The following SGCD variants were observed in gnomAD, a reference collection of about 807,000 sequenced individuals.
The protein encoded by SGCD is delta-sarcoglycan.
In SGCD, 18 loss-of-function variants were observed where a neutral mutation model predicts 36.6. That is an observed-to-expected ratio of 0.49 (90% confidence interval 0.34 to 0.73). SGCD has a LOEUF of 0.73. Among genes scored for constraint, SGCD ranks in the 30% least tolerant of loss-of-function variants. SGCD has a pLI of 0.01. For missense variants in SGCD, 387 were observed against 346.7 expected (o/e 1.12, Z -0.92); for synonymous variants, 133 against 130.6 (o/e 1.02, Z -0.12).
chr5:156,562,316 A>G, intron 4 of SGCD, among the ~76,000 whole-genome samples: 1 of 152,140 alleles, frequency 6.6e-6, no homozygotes, highest in East Asian at 1.9e-4. Context: ...AGTGGTCATA[A>G]TGGGTCTCTT....
the SGCD span, among the ~76,000 whole-genome samples, chr5:155,832,479 A>G: frequency 6.6e-6 from 1 of 152,040 alleles, no homozygotes. Context: ...GGTCTTCTGC[A>G]TGGTTGGCTC....
intron 3 of SGCD, among the ~76,000 whole-genome samples, chr5:156,176,406 T>A (rs79535475): frequency 0.013 from 1,946 of 152,292 alleles, 27 homozygotes; most frequent in African/African-American, 0.034. Context: ...AAGGAAAACC[T>A]TATGCCATTT....
intron 1 of SGCD, among the ~76,000 whole-genome samples, chr5:155,890,718 A>T (rs1156732029): frequency 6.6e-6 from 1 of 152,100 alleles, no homozygotes; most frequent in African/African-American, 2.4e-5. Context: ...AAAGGAAAGG[A>T]CACAGGGCAG....
Position 156,580,057 on chromosome 5 carries a change from G to T in SGCD, c.295-9174G>T, listed in dbSNP as rs1008556293. Among the ~76,000 whole-genome samples, 4 of 152,168 alleles carry T rather than the reference G, an allele frequency of 2.6e-5. No homozygotes were observed. The South Asian group carries it at 6.2e-4, about 24-fold the overall frequency. ...GTTTTTGCAGTGGCTGGTACAGGTT[G>T]TTCCTTTCCATGTTTAGTGCTTCCT... On this transcript the variant is annotated intron_variant, in intron 4 of 8. Coordinates refer to ENST00000337851, the MANE Select transcript of SGCD (RefSeq NM_000337.6).
Position 156,094,926 on chromosome 5 carries a change from G to A in SGCD, c.-281-22952G>A, listed in dbSNP as rs188410684. Among the ~76,000 whole-genome samples the A allele has an allele frequency of 2.0e-5, 3 of 152,248 alleles. No individual in the cohort carries two copies. In the East Asian group the frequency reaches 5.8e-4, roughly 29 times the overall value. On this transcript the variant is annotated intron_variant, in intron 1 of 9. Coordinates refer to the SGCD transcript ENST00000517913. ...TGAGGCAGGAGAATCACCTGAACCT[G>A]GGAGGTGGAGGTTGCAGTGAGCCAG...
At chr5:156,448,737 T>C (rs112823947) in intron 3 of SGCD, among the ~76,000 whole-genome samples, 17 of 111,400 alleles carry the variant, frequency 1.5e-4, no homozygotes, top group Non-Finnish European at 2.7e-4. Flanking sequence ...TTTTCTTTTT[T>C]TTTTTTTTTT....
rs528961701 is a variant in SGCD at position 156,718,546 on chromosome 5, G to A, written c.576-39035G>A. On this transcript the variant is annotated intron_variant, in intron 7 of 8. Transcript: ENST00000337851. ...TGTAATCCCAGTACTTTGGGAGGCC[G>A]AGGTGGGTGGATCACTGGAGCCCAG... Among the ~76,000 whole-genome samples the A allele has an allele frequency of 3.4e-3, 516 of 152,182 alleles. 8 individuals are homozygous for A. Among genetic ancestry groups the A allele is most frequent in the African/African-American group, 0.012 (496 of 41,492 alleles).
At chr5:156,268,987 T>G (rs915035598) in intron 3 of SGCD, among the ~76,000 whole-genome samples, 2 of 152,124 alleles carry the variant, frequency 1.3e-5, no homozygotes, top group African/African-American at 2.4e-5. Context: ...AGTTTCTGTA[T>G]TAGTCTGTTT....
intron 3 of SGCD, among the ~76,000 whole-genome samples, chr5:156,203,847 A>T (rs1764207996): frequency 1.3e-5 from 2 of 152,106 alleles, no homozygotes; most frequent in Admixed American, 1.3e-4. Context: ...CATAGCATAA[A>T]CATGAGGAGG....
chr5:155,735,573 G>A, the SGCD span, among the ~76,000 whole-genome samples: 1 of 152,188 alleles, frequency 6.6e-6, no homozygotes, highest in Non-Finnish European at 1.5e-5. Flanking sequence ...TCTGGCTGCT[G>A]GCCCAGGACT....
chr5:155,884,683 A>G (rs1755965540), intron 1 of SGCD, among the ~76,000 whole-genome samples: 1 of 152,212 alleles, frequency 6.6e-6, no homozygotes, highest in Non-Finnish European at 1.5e-5. Context: ...AACTCTAGAC[A>G]TGAGCAGATT....
chr5:155,890,091 A>G (rs1756088625), intron 1 of SGCD, among the ~76,000 whole-genome samples: 4 of 152,194 alleles, frequency 2.6e-5, no homozygotes, highest in Admixed American at 2.6e-4. Flanking sequence ...GCTCCCTGTT[A>G]CCTACACTAA....
intron 1 of SGCD, among the ~76,000 whole-genome samples, chr5:156,013,234 A>C (rs1758898420): frequency 6.6e-6 from 1 of 152,006 alleles, no homozygotes; most frequent in Admixed American, 6.5e-5. Context: ...CATGTTGGCC[A>C]GGCTGGTCTC....
chr5:156,198,773 T>C (rs1764079183), intron 3 of SGCD, among the ~76,000 whole-genome samples: 1 of 152,162 alleles, frequency 6.6e-6, no homozygotes, highest in Non-Finnish European at 1.5e-5. Context: ...CTCCTGTGCT[T>C]CAAATTTCAG....
intron 3 of SGCD, among the ~76,000 whole-genome samples, chr5:156,457,228 T>A (rs1421746528): frequency 6.6e-6 from 1 of 152,210 alleles, no homozygotes; most frequent in Non-Finnish European, 1.5e-5. Context: ...ATTTCTAAAA[T>A]AGCATTTTTT....
chr5:155,916,885 TGA>T (rs987401883), intron 1 of SGCD, among the ~76,000 whole-genome samples: 1 of 152,192 alleles, frequency 6.6e-6, no homozygotes, highest in African/African-American at 2.4e-5. Flanking sequence ...CCAGACCCAA[TGA>T]GAGATGAGGC....
intron 1 of SGCD, among the ~76,000 whole-genome samples, chr5:155,877,241 C>G (rs1047530766): frequency 6.6e-6 from 1 of 152,012 alleles, no homozygotes; most frequent in East Asian, 1.9e-4. Context: ...TGGCCACATC[C>G]GTAAGCCCAG....
chr5:156,479,509 G>A (rs2127836780), intron 3 of SGCD, among the ~76,000 whole-genome samples: 1 of 152,214 alleles, frequency 6.6e-6, no homozygotes, highest in East Asian at 1.9e-4. Flanking sequence ...TTAAGCTCAT[G>A]GGCCCAACCT....
chr5:156,545,802 A>C (rs1758549693), intron 4 of SGCD, among the ~76,000 whole-genome samples: 1 of 152,174 alleles, frequency 6.6e-6, no homozygotes, highest in Non-Finnish European at 1.5e-5. Context: ...CGATTTGGAA[A>C]TGGAAGTATG....
Sources: gnomAD v4.1 joint callset for allele counts (sites outside exome capture counted in the v4.1 genomes callset) on GRCh38, gnomAD v4.1.1 for gene constraint, MANE v1.5 for transcripts, NCBI Gene and HGNC (gene_info 2026-07-23, HGNC 2026-07-21) for gene names.